The following ACER3 variants were observed in gnomAD, a reference collection of about 807,000 sequenced individuals.
ACER3 encodes alkCDase 3.
A neutral mutation model predicts 48.9 loss-of-function variants in ACER3; 16 were observed. The ratio of observed to expected loss-of-function variants is 0.33; its 90% CI spans 0.22 to 0.50. The LOEUF is 0.50. Ranked by LOEUF, ACER3 falls within the 20% of genes least tolerant of loss-of-function variation. The pLI is 0.98. For missense variants in ACER3, 227 were observed against 326.0 expected (o/e 0.70, Z 2.34); for synonymous variants, 109 against 107.8 (o/e 1.01, Z -0.07).
chr11:76,954,770 T>C (rs1004403073), intron 2 of ACER3, among the ~76,000 whole-genome samples: 7 of 152,122 alleles, frequency 4.6e-5, no homozygotes, highest in Admixed American at 2.6e-4. Context: ...CCAGTTAACC[T>C]TCTGTATGCT....
intron 3 of ACER3, among the ~76,000 whole-genome samples, chr11:76,962,845 T>C (rs1018809159): frequency 6.6e-6 from 1 of 151,216 alleles, no homozygotes; most frequent in Non-Finnish European, 1.5e-5. Flanking sequence ...TGGAAAAAGG[T>C]AGAGATTTAT....
At chr11:76,876,060 G>T (rs1232300074) in intron 1 of ACER3, among the ~76,000 whole-genome samples, 1 of 152,068 alleles carries the variant, frequency 6.6e-6, no homozygotes, top group Non-Finnish European at 1.5e-5. Flanking sequence ...CTCCCAAAGT[G>T]CTGGGATTAC....
intron 2 of ACER3, among the ~76,000 whole-genome samples, chr11:76,954,967 T>C (rs1947797190): frequency 6.6e-6 from 1 of 152,170 alleles, no homozygotes; most frequent in South Asian, 2.1e-4. Context: ...TCTTGTACAC[T>C]CACTTATCCC....
chr11:77,019,635 A>G (rs782619408), intron 9 of ACER3, 96 bp from the exon 10 acceptor site: 38 of 1,193,974 alleles, frequency 3.2e-5, no homozygotes, highest in Non-Finnish European at 4.6e-5. Context: ...TTTGCTTCGT[A>G]CATGCAGAAG....
At chr11:76,929,616 A>C (rs1946938358) in intron 2 of ACER3, among the ~76,000 whole-genome samples, 1 of 152,190 alleles carries the variant, frequency 6.6e-6, no homozygotes, top group Non-Finnish European at 1.5e-5. Context: ...AATAGCTCTT[A>C]TTATTTTGAG....
At chr11:76,886,462 C>G (rs1465495583) in intron 1 of ACER3, among the ~76,000 whole-genome samples, 1 of 152,114 alleles carries the variant, frequency 6.6e-6, no homozygotes, top group African/African-American at 2.4e-5. Context: ...GGTAGAAATA[C>G]CATTGACAGT....
At chr11:76,862,544 G>T (rs889711570) in intron 1 of ACER3, among the ~76,000 whole-genome samples, 1 of 152,194 alleles carries the variant, frequency 6.6e-6, no homozygotes, top group Non-Finnish European at 1.5e-5. Flanking sequence ...CCATGACCAC[G>T]AGGAAAGAGA....
intron 2 of ACER3, among the ~76,000 whole-genome samples, chr11:76,953,308 T>G (rs1347273139): frequency 6.6e-6 from 1 of 152,190 alleles, no homozygotes; most frequent in African/African-American, 2.4e-5. Context: ...CTCTTTAACT[T>G]CTATTTGTGG....
At position 77,026,535 on chromosome 11, in the gene ACER3, T is replaced by C. The variant is rs1458858247; in HGVS notation, c.*6208T>C. The C allele has an allele frequency of 6.6e-6, 1 of 152,210 alleles. No individual in the cohort carries two copies. Among genetic ancestry groups the C allele is most frequent in the East Asian group, 1.9e-4 (1 of 5,202 alleles). 9.4% of individuals were successfully genotyped at this position (152,210 alleles called of 1,614,324 possible). On this transcript the variant is annotated 3_prime_UTR_variant, in exon 11 of 11. Transcript: ENST00000532485. ...GCTAATACAGCATTTCCTAACTTCA[T>C]AGTTGTCGCAGATGTTTGTTCTAGT...
chr11:76,947,825 A>G (rs1353986016), intron 2 of ACER3, among the ~76,000 whole-genome samples: 1 of 152,194 alleles, frequency 6.6e-6, no homozygotes, highest in South Asian at 2.1e-4. Flanking sequence ...TGCATATGGA[A>G]GTATGATTTT....
chr11:76,931,006 T>A (rs540309559), intron 2 of ACER3, among the ~76,000 whole-genome samples: 1 of 146,822 alleles, frequency 6.8e-6, no homozygotes, highest in Non-Finnish European at 1.5e-5. Flanking sequence ...CTGAGTTCAA[T>A]TCCTGGATAT....
chr11:76,969,458 G>T (rs1373816575), intron 3 of ACER3, among the ~76,000 whole-genome samples: 2 of 152,052 alleles, frequency 1.3e-5, no homozygotes, highest in Non-Finnish European at 2.9e-5. Flanking sequence ...TATACTCAAA[G>T]GATTATAAAT....
intron 2 of ACER3, among the ~76,000 whole-genome samples, chr11:76,930,364 T>G (rs1352116534): frequency 6.6e-6 from 1 of 152,208 alleles, no homozygotes; most frequent in Admixed American, 6.5e-5. Flanking sequence ...CTTTTCTTCT[T>G]TATTGATCTT....
At chr11:76,946,005 A>C (rs1947462317) in intron 2 of ACER3, among the ~76,000 whole-genome samples, 1 of 152,228 alleles carries the variant, frequency 6.6e-6, no homozygotes, top group African/African-American at 2.4e-5. Flanking sequence ...CTGAGGGCAC[A>C]GCCTTGCATT....
At chr11:76,910,123 G>A (rs893499431) in intron 1 of ACER3, among the ~76,000 whole-genome samples, 50 of 151,608 alleles carry the variant, frequency 3.3e-4, no homozygotes, top group Non-Finnish European at 6.6e-4. Flanking sequence ...GGGCCTGTTG[G>A]GGGGTGGGGG....
At chr11:76,957,708 G>T (rs1947879307) in intron 2 of ACER3, 1 of 196,406 alleles carries the variant, frequency 5.1e-6, no homozygotes, top group South Asian at 7.5e-5. Flanking sequence ...CCTCCAAAGT[G>T]CTGGGATTAC....
intron 2 of ACER3, among the ~76,000 whole-genome samples, chr11:76,937,042 A>G (rs575962624): frequency 6.6e-6 from 1 of 152,336 alleles, no homozygotes; most frequent in South Asian, 2.1e-4. Flanking sequence ...TGAATTATAA[A>G]AAGATGAAAA....
intron 2 of ACER3, among the ~76,000 whole-genome samples, chr11:76,942,011 G>T (rs1319332828): frequency 1.3e-5 from 2 of 151,976 alleles, no homozygotes; most frequent in Admixed American, 1.3e-4. Context: ...TATGTACATT[G>T]ATTTTGTATC....
At chr11:76,994,323 T>A (rs1210712520) in intron 6 of ACER3, 2 of 369,832 alleles carry the variant, frequency 5.4e-6, no homozygotes, top group Non-Finnish European at 1.1e-5. Flanking sequence ...AGAAACGGGG[T>A]ATCGCCATGT....
Sources: gnomAD v4.1 joint callset for allele counts (sites outside exome capture counted in the v4.1 genomes callset) on GRCh38, gnomAD v4.1.1 for gene constraint, MANE v1.5 for transcripts, NCBI Gene and HGNC (gene_info 2026-07-23, HGNC 2026-07-21) for gene names.